MARCHF1: variants seen among roughly 807,000 people sequenced by gnomAD.
MARCHF1 encodes membrane associated ring-CH-type finger 1.
Under a neutral mutation model 54.2 loss-of-function variants are expected in MARCHF1, and 40 were observed. The ratio of observed to expected loss-of-function variants is 0.74; its 90% CI spans 0.57 to 0.96. The LOEUF is 0.96. Among genes scored for constraint, MARCHF1 ranks in the 40% least tolerant of loss-of-function variants. MARCHF1 has a pLI of 0.00. For synonymous variants in MARCHF1, 236 were observed against 236.3 expected (o/e 1.00, Z 0.01); for missense variants, 586 against 656.5 (o/e 0.89, Z 1.17).
chr4:164,141,471 T>C (rs1201332076), intron 1 of MARCHF1, among the ~76,000 whole-genome samples: 2 of 152,188 alleles, frequency 1.3e-5, no homozygotes, highest in African/African-American at 2.4e-5. Flanking sequence ...AATTAACAAG[T>C]CTGTGCCATA....
intron 8 of MARCHF1, among the ~76,000 whole-genome samples, chr4:163,560,732 G>T (rs1473885243): frequency 6.6e-6 from 1 of 152,014 alleles, no homozygotes; most frequent in African/African-American, 2.4e-5. Context: ...TACAGGTCTT[G>T]TGTATTTTTT....
chr4:163,724,294 C>T (rs956103810), intron 4 of MARCHF1, among the ~76,000 whole-genome samples: 1 of 152,168 alleles, frequency 6.6e-6, no homozygotes, highest in African/African-American at 2.4e-5. Context: ...CCCTGTTTGC[C>T]TGGGTATAAG....
chr4:164,343,914 C>T (rs1030173758), intron 1 of MARCHF1, among the ~76,000 whole-genome samples: 3 of 152,170 alleles, frequency 2.0e-5, no homozygotes, highest in Admixed American at 6.6e-5. Flanking sequence ...ACCATAAAGA[C>T]ACATACACAC....
intron 5 of MARCHF1, among the ~76,000 whole-genome samples, chr4:163,633,975 A>G: frequency 6.6e-6 from 1 of 152,124 alleles, no homozygotes; most frequent in Non-Finnish European, 1.5e-5. Flanking sequence ...TTCAACCCAG[A>G]ATTTCATATC....
intron 2 of MARCHF1, among the ~76,000 whole-genome samples, chr4:164,084,307 T>C (rs753048694): frequency 5.3e-5 from 8 of 152,030 alleles, no homozygotes; most frequent in Non-Finnish European, 1.2e-4. Flanking sequence ...TTATTGTTTA[T>C]TACTTTCCCC....
At chr4:163,621,117 C>T (rs1741681948) in intron 5 of MARCHF1, among the ~76,000 whole-genome samples, 1 of 152,106 alleles carries the variant, frequency 6.6e-6, no homozygotes, top group Admixed American at 6.5e-5. Flanking sequence ...GATCTGATAA[C>T]TGTTTTGTAG....
intron 4 of MARCHF1, among the ~76,000 whole-genome samples, chr4:163,719,912 A>C (rs1347483625): frequency 1.3e-5 from 2 of 152,034 alleles, no homozygotes; most frequent in Non-Finnish European, 2.9e-5. Flanking sequence ...AGTTCTTTGT[A>C]GATTCTGGAT....
At chr4:164,303,826 C>T (rs1734627562) in intron 1 of MARCHF1, among the ~76,000 whole-genome samples, 1 of 151,996 alleles carries the variant, frequency 6.6e-6, no homozygotes, top group East Asian at 1.9e-4. Flanking sequence ...TTAAGTGAAA[C>T]TTCATGAGAA....
At chr4:164,337,601 A>C (rs1336295722) in intron 1 of MARCHF1, among the ~76,000 whole-genome samples, 2 of 152,250 alleles carry the variant, frequency 1.3e-5, no homozygotes, top group East Asian at 1.9e-4. Context: ...ACAACCACCC[A>C]AAACCACTTG....
At chr4:163,745,755 G>T (rs778134663) in intron 4 of MARCHF1, among the ~76,000 whole-genome samples, 1 of 152,132 alleles carries the variant, frequency 6.6e-6, no homozygotes, top group Non-Finnish European at 1.5e-5. Context: ...GCTTTCCTCC[G>T]AGGAGTTTAG....
At chr4:163,887,837 TG>T (rs1456570445) in intron 3 of MARCHF1, among the ~76,000 whole-genome samples, 1 of 152,182 alleles carries the variant, frequency 6.6e-6, no homozygotes, top group East Asian at 1.9e-4. Context: ...TTCCCTTATT[TG>T]GTCCCACATT....
intron 2 of MARCHF1, among the ~76,000 whole-genome samples, chr4:164,099,122 T>G (rs1280753105): frequency 6.6e-6 from 1 of 152,216 alleles, no homozygotes; most frequent in Admixed American, 6.5e-5. Context: ...ATGATTGAAG[T>G]TGGTTTTCTC....
At chr4:164,100,686 A>C (rs1755526102) in intron 2 of MARCHF1, among the ~76,000 whole-genome samples, 1 of 152,186 alleles carries the variant, frequency 6.6e-6, no homozygotes. Flanking sequence ...TCTCCCCTAA[A>C]ACTCCTATTT....
At chr4:164,042,256 T>A (rs1379895847) in intron 2 of MARCHF1, among the ~76,000 whole-genome samples, 1 of 152,076 alleles carries the variant, frequency 6.6e-6, no homozygotes, top group African/African-American at 2.4e-5. Context: ...AGTCTGTTCT[T>A]ACACTGGTAT....
At chr4:163,698,842 A>G (rs940511738) in intron 5 of MARCHF1, among the ~76,000 whole-genome samples, 1 of 152,236 alleles carries the variant, frequency 6.6e-6, no homozygotes, top group African/African-American at 2.4e-5. Context: ...ATTCAACATT[A>G]GTATTCAAGT....
chr4:164,189,151 G>T, intron 1 of MARCHF1: 1 of 598,364 alleles, frequency 1.7e-6, no homozygotes, highest in South Asian at 1.8e-5. Context: ...AGAAGACTAT[G>T]ACTAGCGTGT....
chr4:164,200,834 A>G (rs989261968), intron 1 of MARCHF1, among the ~76,000 whole-genome samples: 1 of 152,214 alleles, frequency 6.6e-6, no homozygotes. Context: ...CCATAGGTGT[A>G]TGCAGGTGAA....
chr4:164,098,237 C>A (rs1296909736), intron 2 of MARCHF1, among the ~76,000 whole-genome samples: 1 of 152,084 alleles, frequency 6.6e-6, no homozygotes, highest in East Asian at 1.9e-4. Context: ...TAGGTTTATT[C>A]TAATTTTTGA....
chr4:163,930,838 C>G (rs1301525372), intron 3 of MARCHF1, among the ~76,000 whole-genome samples: 1 of 151,988 alleles, frequency 6.6e-6, no homozygotes, highest in Non-Finnish European at 1.5e-5. Context: ...ACTTTTGGGG[C>G]TATTTGGATG....
Sources: allele counts gnomAD v4.1 joint callset (sites outside exome capture counted in the v4.1 genomes callset), GRCh38; gene constraint gnomAD v4.1.1; transcripts MANE v1.5; gene names NCBI Gene and HGNC (gene_info 2026-07-23, HGNC 2026-07-21).